Variants in PRR16 observed in about 807,000 individuals in gnomAD.
PRR16 encodes proline rich 16, also known as protein Largen.
PRR16 carries 6 observed loss-of-function variants against 18.2 expected under a neutral mutation model. The ratio of observed to expected loss-of-function variants is 0.33; its 90% CI spans 0.18 to 0.65. The LOEUF (loss-of-function observed/expected upper bound fraction) is 0.65, where lower values mean the gene tolerates loss of function less well. Among genes scored for constraint, PRR16 ranks in the 30% least tolerant of loss-of-function variants. The pLI is 0.74. For synonymous variants in PRR16, 151 were observed against 147.8 expected, an observed-to-expected ratio of 1.02 and a Z score of -0.16; for missense variants, 412 against 376.6, an observed-to-expected ratio of 1.09 and a Z score of -0.78.
intron 1 of PRR16, among the ~76,000 whole-genome samples, chr5:120,657,463 C>T (rs1252136730): frequency 6.6e-6 from 1 of 151,856 alleles, no homozygotes; most frequent in Non-Finnish European, 1.5e-5. Context: ...GGAATATTTG[C>T]ACTATGAAAA....
At chr5:120,676,177 C>G (rs1309225379) in intron 1 of PRR16, among the ~76,000 whole-genome samples, 2 of 151,994 alleles carry the variant, frequency 1.3e-5, no homozygotes, top group African/African-American at 4.8e-5. Context: ...TTTGGAATAT[C>G]CTTTCTTCTT....
intron 1 of PRR16, among the ~76,000 whole-genome samples, chr5:120,672,831 C>G (rs1756658178): frequency 6.6e-6 from 1 of 152,026 alleles, no homozygotes; most frequent in Non-Finnish European, 1.5e-5. Flanking sequence ...GTTTATAGTT[C>G]CATTATCTTG....
chr5:120,510,944 A>G (rs1008346273), intron 1 of PRR16, among the ~76,000 whole-genome samples: 1 of 152,152 alleles, frequency 6.6e-6, no homozygotes, highest in Non-Finnish European at 1.5e-5. Flanking sequence ...TATGATGTGG[A>G]TGAGAGTACA....
chr5:120,768,206 A>G, the PRR16 span, among the ~76,000 whole-genome samples: 1 of 151,786 alleles, frequency 6.6e-6, no homozygotes, highest in Non-Finnish European at 1.5e-5. Flanking sequence ...TCAAAAACAA[A>G]TCTTAATTTT....
intron 1 of PRR16, among the ~76,000 whole-genome samples, chr5:120,637,550 G>C (rs1755278584): frequency 6.6e-6 from 1 of 152,086 alleles, no homozygotes; most frequent in Non-Finnish European, 1.5e-5. Flanking sequence ...AGTAACTCAG[G>C]AATGGAAAAT....
At position 120,499,970 on chromosome 5, in the gene PRR16, G is replaced by A. The variant is rs114940285; in HGVS notation, c.159+35325G>A. Among the ~76,000 whole-genome samples, 707 of 152,206 alleles carry A rather than the reference G, an allele frequency of 4.6e-3. 10 individuals are homozygous for A. Among genetic ancestry groups the A allele is most frequent in the African/African-American group, 0.016 (670 of 41,500 alleles). ...GAAAGAGGGAAAGTAGAGTGGAGGAGTGAAGCTACTTTTTACTGTTTTTTG... is the reference window on the plus strand; with the variant it reads ...GAAAGAGGGAAAGTAGAGTGGAGGAATGAAGCTACTTTTTACTGTTTTTTG... On this transcript the variant is annotated intron_variant, in intron 1 of 1. Coordinates refer to ENST00000407149, the MANE Select transcript of PRR16 (RefSeq NM_001300783.2).
chr5:120,773,772 C>T, the PRR16 span, among the ~76,000 whole-genome samples: 434 of 152,018 alleles, frequency 2.9e-3, 3 homozygotes, highest in Non-Finnish European at 4.9e-3. Flanking sequence ...GTACAGGGAA[C>T]AAACACAGAT....
the PRR16 span, among the ~76,000 whole-genome samples, chr5:120,739,865 C>T: frequency 1.3e-5 from 2 of 151,664 alleles, no homozygotes; most frequent in Non-Finnish European, 2.9e-5. Flanking sequence ...GTTCTGGAAG[C>T]GATTTTTCAG....
intron 1 of PRR16, among the ~76,000 whole-genome samples, chr5:120,476,830 A>T (rs950379969): frequency 1.3e-5 from 2 of 152,196 alleles, no homozygotes; most frequent in African/African-American, 2.4e-5. Context: ...AAATAAAAAA[A>T]AACTTGGAAG....
At chr5:120,631,856 G>T (rs1243045153) in intron 1 of PRR16, among the ~76,000 whole-genome samples, 2 of 152,140 alleles carry the variant, frequency 1.3e-5, no homozygotes, top group Non-Finnish European at 2.9e-5. Flanking sequence ...CCTAGGGCAA[G>T]TTTACCTTCC....
At chr5:120,713,225 A>C in the PRR16 span, among the ~76,000 whole-genome samples, 1 of 152,212 alleles carries the variant, frequency 6.6e-6, no homozygotes, top group Non-Finnish European at 1.5e-5. Flanking sequence ...AAAATAAGCC[A>C]GACATAGAAA....
At chr5:120,759,737 A>G in the PRR16 span, among the ~76,000 whole-genome samples, 63 of 152,308 alleles carry the variant, frequency 4.1e-4, no homozygotes, top group African/African-American at 1.5e-3. Flanking sequence ...CAGAATCTAA[A>G]TTAAATATGA....
intron 1 of PRR16, among the ~76,000 whole-genome samples, chr5:120,660,554 A>G (rs904567930): frequency 2.6e-5 from 4 of 152,096 alleles, no homozygotes; most frequent in African/African-American, 9.7e-5. Flanking sequence ...CAAGGTACTA[A>G]TGATCCAGAT....
chr5:120,751,887 T>C, the PRR16 span, among the ~76,000 whole-genome samples: 1 of 152,058 alleles, frequency 6.6e-6, no homozygotes, highest in Non-Finnish European at 1.5e-5. Flanking sequence ...TCTGGAATAT[T>C]CATTTAAGTT....
chr5:120,730,288 A>G, the PRR16 span, among the ~76,000 whole-genome samples: 3 of 152,258 alleles, frequency 2.0e-5, no homozygotes, highest in South Asian at 2.1e-4. Flanking sequence ...AGAATTAATC[A>G]TGATACAACC....
At chr5:120,489,719 C>T (rs1384230605) in intron 1 of PRR16, among the ~76,000 whole-genome samples, 6 of 152,074 alleles carry the variant, frequency 3.9e-5, no homozygotes, top group East Asian at 1.9e-4. Flanking sequence ...TTAGTTTGCT[C>T]GTTAGTTGAT....
intron 1 of PRR16, among the ~76,000 whole-genome samples, chr5:120,484,302 T>A (rs576003710): frequency 5.4e-5 from 8 of 146,912 alleles, no homozygotes; most frequent in African/African-American, 2.0e-4. Context: ...TTATGTATAA[T>A]ATATAATATA....
At chr5:120,642,331 T>G (rs1434364609) in intron 1 of PRR16, among the ~76,000 whole-genome samples, 3 of 152,080 alleles carry the variant, frequency 2.0e-5, no homozygotes, top group African/African-American at 7.2e-5. Flanking sequence ...CAAAAGATAT[T>G]TTATTCCAAT....
chr5:120,692,195 A>T (rs959231261), downstream of PRR16, among the ~76,000 whole-genome samples: 2 of 152,168 alleles, frequency 1.3e-5, no homozygotes, highest in Admixed American at 1.3e-4. Context: ...GGCTGTTGGG[A>T]GATATAAGGT....
Sources: gnomAD v4.1 joint callset for allele counts (sites outside exome capture counted in the v4.1 genomes callset) on GRCh38, gnomAD v4.1.1 for gene constraint, MANE v1.5 for transcripts, NCBI Gene and HGNC (gene_info 2026-07-23, HGNC 2026-07-21) for gene names.